Variants in EYS observed in about 807,000 individuals in gnomAD.
The protein encoded by EYS is protein eyes shut homolog.
In EYS, 250 loss-of-function variants were observed where a neutral mutation model predicts 282.1. That is an observed-to-expected ratio of 0.89 (90% confidence interval 0.80 to 0.98). The LOEUF (loss-of-function observed/expected upper bound fraction) is 0.98. Among genes scored for constraint, EYS ranks in the 50% least tolerant of loss-of-function variants. The pLI is 0.00. For synonymous variants in EYS, 1,355 were observed against 1,282.9 expected (o/e 1.06, Z -1.20); for missense variants, 4,016 against 3,709.0 (o/e 1.08, Z -2.15).
chr6:64,411,107 T>A (rs4286758), intron 28 of EYS, among the ~76,000 whole-genome samples: 12 of 151,906 alleles, frequency 7.9e-5, no homozygotes, highest in Admixed American at 3.9e-4. Context: ...TGAATCTTCC[T>A]TAAAGGGATG....
intron 40 of EYS, among the ~76,000 whole-genome samples, chr6:63,766,456 G>C (rs1769791230): frequency 6.6e-6 from 1 of 151,992 alleles, no homozygotes; most frequent in Non-Finnish European, 1.5e-5. Flanking sequence ...AAATATAATA[G>C]GTCATGGCTG....
intron 22 of EYS, among the ~76,000 whole-genome samples, chr6:64,746,839 A>T (rs1772572833): frequency 6.6e-6 from 1 of 152,240 alleles, no homozygotes; most frequent in Admixed American, 6.5e-5. Context: ...TGGCATAGTC[A>T]TAAATATACA....
chr6:65,399,036 C>T (rs554390539), intron 7 of EYS, among the ~76,000 whole-genome samples: 29 of 152,174 alleles, frequency 1.9e-4, no homozygotes, highest in East Asian at 1.4e-3. Context: ...ACCACCATCG[C>T]GAGTCATCTT....
rs1404774992 is a variant in EYS, at chr6:65,291,822, A to G, written c.2023+4041T>C. ...ATCGAAAGAGTAGGATCCTGCTTCT[A>G]CCTACATCAGAGAACTTAAGCCACT... On this transcript the variant is annotated intron_variant, in intron 12 of 42. Coordinates refer to ENST00000503581, the MANE Select transcript of EYS (RefSeq NM_001142800.2). Among the ~76,000 whole-genome samples, 3 of 151,634 alleles carry G rather than the reference A, an allele frequency of 2.0e-5. No homozygotes were observed. The South Asian group carries it at 6.2e-4, about 31-fold the overall frequency.
At chr6:65,176,501 A>G (rs1211296927) in intron 12 of EYS, among the ~76,000 whole-genome samples, 1 of 151,668 alleles carries the variant, frequency 6.6e-6, no homozygotes, top group Non-Finnish European at 1.5e-5. Flanking sequence ...TTTTATTTAA[A>G]AAAAACTATA....
chr6:64,593,196 A>G lies in EYS; in HGVS notation c.3798T>C (p.Ser1266=). 3.2e-6 allele frequency: 5 copies of G among 1,550,052 alleles called. No homozygotes were observed. Among genetic ancestry groups the G allele is most frequent in the Non-Finnish European group, 4.4e-6 (5 of 1,146,206 alleles). ...ATGGAAAGCTGCTGACCAAAGTCTC[A>G]GAAGGGGGAATTGTATATGTCTGTG... The part of the protein sequence containing the change: ...ISTQTYTIPP[S]ETLVSSFPSI... Residue 1266 remains serine, a synonymous_variant, in exon 25 of 43, where the codon TCT becomes TCC. Coordinates refer to ENST00000503581, the MANE Select transcript of EYS (RefSeq NM_001142800.2).
At chr6:65,265,576 T>C (rs1463893429) in intron 12 of EYS, among the ~76,000 whole-genome samples, 5 of 152,158 alleles carry the variant, frequency 3.3e-5, no homozygotes, top group African/African-American at 1.2e-4. Flanking sequence ...GTATAGAGTA[T>C]TGTTTAAAAT....
chr6:64,550,864 G>A (rs1300602120), intron 26 of EYS, among the ~76,000 whole-genome samples: 1 of 152,068 alleles, frequency 6.6e-6, no homozygotes, highest in Non-Finnish European at 1.5e-5. Flanking sequence ...ATTCACAATT[G>A]CTTCAAAGAG....
At chr6:64,255,290 A>T (rs542594077) in intron 30 of EYS, among the ~76,000 whole-genome samples, 1 of 152,220 alleles carries the variant, frequency 6.6e-6, no homozygotes, top group East Asian at 1.9e-4. Flanking sequence ...TTCTGAAATG[A>T]TTAGGATACT....
chr6:64,274,192 C>T (rs960453570), intron 30 of EYS, among the ~76,000 whole-genome samples: 2 of 152,134 alleles, frequency 1.3e-5, no homozygotes, highest in Non-Finnish European at 2.9e-5. Flanking sequence ...TTCATTCATT[C>T]ATAGACAGGG....
chr6:64,105,132 A>G (rs115495740), intron 31 of EYS, among the ~76,000 whole-genome samples: 3,624 of 152,056 alleles, frequency 0.024, 130 homozygotes, highest in African/African-American at 0.082. Context: ...AGTGTGAGGA[A>G]GCAGAATCAT....
intron 5 of EYS, among the ~76,000 whole-genome samples, chr6:65,478,745 A>G (rs1765495922): frequency 3.9e-5 from 6 of 152,120 alleles, no homozygotes. Context: ...GAATCACTGA[A>G]GAGTTGCTTG....
chr6:64,324,103 C>G (rs184578254), intron 29 of EYS, among the ~76,000 whole-genome samples: 63 of 152,168 alleles, frequency 4.1e-4, no homozygotes, highest in Non-Finnish European at 1.0e-4. Flanking sequence ...TTGTTCAGAG[C>G]CTTTGGGACT....
rs61575285 is a variant in EYS, at chr6:64,151,317, TTATATATATATATATATATATA to T, written c.6425-69337_6425-69316del. On this transcript the variant is annotated intron_variant, in intron 31 of 42. Transcript: ENST00000503581. ...TTTTCACACGTGTGTGTGTGTATAT[TTATATATATATATATATATATA>T]TATATATATATATATATATATATAA... 1.1e-3 allele frequency among the ~76,000 whole-genome samples: 59 copies of T among 52,454 alleles called. 1 individual carries two copies. Among genetic ancestry groups the T allele is most frequent in the East Asian group, 7.3e-3 (10 of 1,374 alleles). The allele number at this position is 52,454 out of a possible 152,430, so 34.4% of individuals were successfully genotyped here.
chr6:65,321,196 A>T (rs1172651210), intron 11 of EYS, among the ~76,000 whole-genome samples: 1 of 150,914 alleles, frequency 6.6e-6, no homozygotes, highest in Non-Finnish European at 1.5e-5. Context: ...ATGGATTAAC[A>T]TGATTTAAAA....
chr6:64,532,164 C>T lies in EYS; in HGVS notation c.5644+58059G>A, dbSNP rs190786445. Among the ~76,000 whole-genome samples, 189 of 152,286 alleles carry T rather than the reference C, an allele frequency of 1.2e-3. 1 individual carries two copies. Among genetic ancestry groups the T allele is most frequent in the Non-Finnish European group, 2.1e-3 (145 of 68,030 alleles). On this transcript the variant is annotated intron_variant, in intron 26 of 42. Transcript: ENST00000503581. ...TTTCCAGTAACCCACAAAGTCATCA[C>T]CCAGGCTACAAAGCAGAGAATGATG...
chr6:65,390,676 G>A (rs1765992729), intron 7 of EYS, among the ~76,000 whole-genome samples: 1 of 152,026 alleles, frequency 6.6e-6, no homozygotes, highest in African/African-American at 2.4e-5. Context: ...TTGACTCCAA[G>A]AGTTCCAGAC....
intron 22 of EYS, among the ~76,000 whole-genome samples, chr6:64,785,206 A>C (rs1192449945): frequency 6.6e-6 from 1 of 152,198 alleles, no homozygotes; most frequent in Non-Finnish European, 1.5e-5. Context: ...TATACAATCT[A>C]TCTTTAATTT....
intron 21 of EYS, among the ~76,000 whole-genome samples, chr6:64,814,519 T>C (rs1182928551): frequency 1.3e-5 from 2 of 151,996 alleles, no homozygotes; most frequent in African/African-American, 4.8e-5. Flanking sequence ...AAGAAATATG[T>C]TTCTCTGTAT....
Sources: gnomAD v4.1 joint callset for allele counts (sites outside exome capture counted in the v4.1 genomes callset) on GRCh38, gnomAD v4.1.1 for gene constraint, MANE v1.5 for transcripts, NCBI Gene and HGNC (gene_info 2026-07-23, HGNC 2026-07-21) for gene names.